Variants in RCAN2 observed in about 807,000 individuals in gnomAD.
RCAN2 encodes the protein regulator of calcineurin 2, also known as calcipressin-2.
RCAN2 carries 9 observed loss-of-function variants against 23.6 expected under a neutral mutation model. The ratio of observed to expected loss-of-function variants is 0.38; its 90% CI spans 0.23 to 0.67. The LOEUF is 0.67. Ranked by LOEUF, RCAN2 falls within the 30% of genes least tolerant of loss-of-function variation. RCAN2 has a pLI of 0.51. For missense variants in RCAN2, 273 were observed against 302.3 expected, an observed-to-expected ratio of 0.90 and a Z score of 0.72; for synonymous variants, 109 against 115.7, an observed-to-expected ratio of 0.94 and a Z score of 0.37.
intron 2 of RCAN2, among the ~76,000 whole-genome samples, chr6:46,355,427 C>T (rs989230435): frequency 6.6e-6 from 1 of 152,160 alleles, no homozygotes. Context: ...GTCAAGGAAG[C>T]CTGCCACCTG....
At chr6:46,311,693 A>G (rs2150356858) in intron 2 of RCAN2, among the ~76,000 whole-genome samples, 1 of 152,308 alleles carries the variant, frequency 6.6e-6, no homozygotes, top group Middle Eastern at 3.4e-3. Context: ...TCCTTGTTTC[A>G]TGAAATCTTG....
At chr6:46,435,569 A>G (rs2150419299) in intron 2 of RCAN2, among the ~76,000 whole-genome samples, 1 of 152,370 alleles carries the variant, frequency 6.6e-6, no homozygotes, top group African/African-American at 2.4e-5. Flanking sequence ...CAATTAACGA[A>G]TACTCAAAAT....
intron 1 of RCAN2, among the ~76,000 whole-genome samples, chr6:46,472,006 C>T (rs1016074527): frequency 8.5e-5 from 13 of 152,148 alleles, no homozygotes; most frequent in Non-Finnish European, 1.8e-4. Context: ...AATTCTTCCT[C>T]GCATTGTTCT....
At chr6:46,242,651 T>A (rs1185984195) in intron 4 of RCAN2, among the ~76,000 whole-genome samples, 1 of 152,220 alleles carries the variant, frequency 6.6e-6, no homozygotes, top group Non-Finnish European at 1.5e-5. Flanking sequence ...TTCTTTAACA[T>A]GCAATTAGTT....
chr6:46,265,245 C>G (rs188685642), intron 2 of RCAN2, among the ~76,000 whole-genome samples: 1 of 152,058 alleles, frequency 6.6e-6, no homozygotes, highest in Non-Finnish European at 1.5e-5. Context: ...AAAATTGGAT[C>G]GTATTGATGA....
intron 2 of RCAN2, among the ~76,000 whole-genome samples, chr6:46,331,592 G>T (rs1265109283): frequency 6.6e-6 from 1 of 152,122 alleles, no homozygotes; most frequent in Non-Finnish European, 1.5e-5. Context: ...GACTCATCTT[G>T]TTCATTTCCT....
chr6:46,410,046 C>T (rs1359398146), intron 2 of RCAN2, among the ~76,000 whole-genome samples: 1 of 152,188 alleles, frequency 6.6e-6, no homozygotes, highest in Admixed American at 6.5e-5. Flanking sequence ...CAGGGACACT[C>T]TTCTTCTCCT....
chr6:46,305,839 A>G (rs1582086907), intron 2 of RCAN2, among the ~76,000 whole-genome samples: 2 of 152,064 alleles, frequency 1.3e-5, no homozygotes, highest in African/African-American at 4.8e-5. Context: ...GAAATATACT[A>G]AACAGTTGAC....
intron 2 of RCAN2, among the ~76,000 whole-genome samples, chr6:46,286,275 TTC>T (rs1421551821): frequency 6.6e-6 from 1 of 152,210 alleles, no homozygotes; most frequent in Non-Finnish European, 1.5e-5. Flanking sequence ...CACTAGCATT[TTC>T]TGTTTGTCAT....
intron 2 of RCAN2, among the ~76,000 whole-genome samples, chr6:46,289,134 G>A (rs544729667): frequency 6.6e-6 from 1 of 152,318 alleles, no homozygotes; most frequent in South Asian, 2.1e-4. Flanking sequence ...AGGGAGCACA[G>A]GGCAACACCT....
intron 2 of RCAN2, among the ~76,000 whole-genome samples, chr6:46,313,919 C>T (rs1465866888): frequency 6.6e-6 from 1 of 152,166 alleles, no homozygotes; most frequent in Non-Finnish European, 1.5e-5. Context: ...CTTCATTATA[C>T]AGTGAGAATA....
chr6:46,469,629 C>T (rs1233090088), intron 1 of RCAN2, among the ~76,000 whole-genome samples: 1 of 152,120 alleles, frequency 6.6e-6, no homozygotes, highest in Non-Finnish European at 1.5e-5. Context: ...CAACAAAGAC[C>T]ATGCTAGAAA....
At chr6:46,422,033 G>C (rs937524471) in intron 2 of RCAN2, among the ~76,000 whole-genome samples, 2 of 152,174 alleles carry the variant, frequency 1.3e-5, no homozygotes, top group African/African-American at 4.8e-5. Flanking sequence ...GCTGCAGTTT[G>C]GTTTGTTTGA....
At chr6:46,310,223 G>C (rs1392675636) in intron 2 of RCAN2, among the ~76,000 whole-genome samples, 2 of 152,086 alleles carry the variant, frequency 1.3e-5, no homozygotes, top group Non-Finnish European at 1.5e-5. Flanking sequence ...CCATGCCTGA[G>C]TAATGACAAT....
intron 1 of RCAN2, among the ~76,000 whole-genome samples, chr6:46,480,917 C>T (rs903125995): frequency 1.8e-4 from 27 of 152,306 alleles, no homozygotes; most frequent in Admixed American, 9.8e-4. Context: ...CCACTGCGCC[C>T]GGCCACTTGT....
intron 2 of RCAN2, among the ~76,000 whole-genome samples, chr6:46,395,022 C>T (rs1766048947): frequency 6.6e-6 from 1 of 152,114 alleles, no homozygotes; most frequent in South Asian, 2.1e-4. Flanking sequence ...GTTGCTATTT[C>T]CTGAGATGGA....
intron 2 of RCAN2, among the ~76,000 whole-genome samples, chr6:46,390,725 G>A (rs764617777): frequency 6.6e-5 from 10 of 152,196 alleles, no homozygotes; most frequent in Admixed American, 1.3e-4. Flanking sequence ...ATAACTTCAC[G>A]TAGAGAACCA....
intron 2 of RCAN2, among the ~76,000 whole-genome samples, chr6:46,341,125 A>G (rs1043328932): frequency 2.0e-5 from 3 of 152,254 alleles, no homozygotes; most frequent in African/African-American, 7.2e-5. Context: ...TAAAATTTCA[A>G]ATAAGTAAGA....
intron 1 of RCAN2, among the ~76,000 whole-genome samples, chr6:46,465,203 G>C (rs577465701): frequency 6.6e-6 from 1 of 152,260 alleles, no homozygotes; most frequent in South Asian, 2.1e-4. Flanking sequence ...TCTTTTATGA[G>C]GGGTGTGAGG....
Sources: gnomAD v4.1 joint callset for allele counts (sites outside exome capture counted in the v4.1 genomes callset) on GRCh38, gnomAD v4.1.1 for gene constraint, MANE v1.5 for transcripts, NCBI Gene and HGNC (gene_info 2026-07-23, HGNC 2026-07-21) for gene names.